CERT1: variants seen among roughly 807,000 people sequenced by gnomAD.
CERT1 encodes the protein ceramide transporter 1, also known as ceramide transfer protein.
In CERT1, 31 loss-of-function variants were observed where a neutral mutation model predicts 87.9. The ratio of observed to expected loss-of-function variants is 0.35; its 90% CI spans 0.27 to 0.48. The LOEUF (loss-of-function observed/expected upper bound fraction) is 0.48. CERT1 is among the 20% of genes least tolerant of loss of function. The pLI, the probability that CERT1 is intolerant of heterozygous loss-of-function variation, is 0.99. For synonymous variants in CERT1, 289 were observed against 250.9 expected, an observed-to-expected ratio of 1.15 and a Z score of -1.44; for missense variants, 487 against 758.0, an observed-to-expected ratio of 0.64 and a Z score of 4.20.
At chr5:75,445,693 G>A (rs577279902) in intron 3 of CERT1, among the ~76,000 whole-genome samples, 25 of 152,088 alleles carry the variant, frequency 1.6e-4, no homozygotes, top group East Asian at 7.7e-4. Flanking sequence ...GAGGTCTTGC[G>A]ATGTTGCTAA....
chr5:75,398,624 C>G (rs933228696), intron 11 of CERT1, among the ~76,000 whole-genome samples: 3 of 152,064 alleles, frequency 2.0e-5, no homozygotes, highest in African/African-American at 7.2e-5. Context: ...AAAGAACTAA[C>G]GCTGACACTA....
At chr5:75,467,616 G>A (rs1030815411) in intron 2 of CERT1, among the ~76,000 whole-genome samples, 1 of 148,996 alleles carries the variant, frequency 6.7e-6, no homozygotes. Context: ...ACTCCAGCCT[G>A]GGCAACAGAG....
Position 75,511,326 on chromosome 5 carries a change from G to T in CERT1, c.-119C>A. ...CGAAGCGAAGAGTGCCCGCTCCGGT[G>T]TGGGGGGGAGCAGGAGGAGGGACGA... On this transcript the variant is annotated 5_prime_UTR_variant, in exon 1 of 17. Coordinates refer to ENST00000643780, the MANE Select transcript of CERT1 (RefSeq NM_001379029.1). The T allele has an allele frequency of 1.3e-6, 2 of 1,547,626 alleles. No individual in the cohort carries two copies. Among genetic ancestry groups the T allele is most frequent in the Non-Finnish European group, 1.7e-6 (2 of 1,146,378 alleles).
intron 2 of CERT1, among the ~76,000 whole-genome samples, chr5:75,480,014 T>TAC (rs922423774): frequency 3.9e-5 from 6 of 152,148 alleles, no homozygotes; most frequent in Non-Finnish European, 8.8e-5. Flanking sequence ...TCTTATTGTT[T>TAC]ACACAGTCTT....
intron 12 of CERT1, among the ~76,000 whole-genome samples, chr5:75,388,634 A>C (rs1016606290): frequency 7.5e-5 from 8 of 107,166 alleles, no homozygotes; most frequent in African/African-American, 2.8e-4. Context: ...ATATATATAT[A>C]TATATATCTC....
At chr5:75,432,349 C>T (rs372534652) in intron 3 of CERT1, among the ~76,000 whole-genome samples, 4 of 152,170 alleles carry the variant, frequency 2.6e-5, no homozygotes, top group Non-Finnish European at 5.9e-5. Flanking sequence ...CCACCACGCC[C>T]GGCCAAGCAT....
intron 11 of CERT1, among the ~76,000 whole-genome samples, chr5:75,394,970 A>G (rs1561230797): frequency 6.6e-6 from 1 of 152,220 alleles, no homozygotes; most frequent in Non-Finnish European, 1.5e-5. Context: ...ATTTTATTCT[A>G]CTTTCAAGTT....
At chr5:75,382,887 A>G (rs1761644813) in intron 14 of CERT1, among the ~76,000 whole-genome samples, 1 of 152,094 alleles carries the variant, frequency 6.6e-6, no homozygotes, top group Non-Finnish European at 1.5e-5. Flanking sequence ...TAAGTAATAC[A>G]TGAAGATTTG....
intron 2 of CERT1, among the ~76,000 whole-genome samples, chr5:75,483,553 CA>C (rs1766356632): frequency 6.6e-6 from 1 of 151,790 alleles, no homozygotes; most frequent in East Asian, 1.9e-4. Context: ...AGATTTAATC[CA>C]AATAAGTCTA....
chr5:75,399,457 T>C, intron 10 of CERT1, 70 bp from the exon 11 acceptor site: 1 of 1,097,462 alleles, frequency 9.1e-7, no homozygotes, highest in Non-Finnish European at 1.4e-6. Context: ...CAGTACCAAC[T>C]TCCAAACACA....
Position 75,411,015 on chromosome 5 carries a change from TA to T in CERT1, c.925del (p.Tyr309MetfsTer8). 6.5e-7 allele frequency: 1 copy of T among 1,528,180 alleles called. No individual in the cohort carries two copies. Among genetic ancestry groups the T allele is most frequent in the Non-Finnish European group, 9.0e-7 (1 of 1,112,374 alleles). 94.7% of individuals were successfully genotyped at this position (1,528,180 alleles called of 1,614,324 possible). On this transcript the variant is annotated frameshift_variant, in exon 8 of 17. Coordinates refer to ENST00000643780, the MANE Select transcript of CERT1 (RefSeq NM_001379029.1). LOFTEE classifies it high-confidence loss of function. ...GATCAAAATATAAATTCATACTTCA[TA>T]ATCTGGTCCTCCAAAGTGGGATTTT... is the stretch of plus-strand genomic sequence containing the variant. ...KKKSHFGGPD[Y>X]EEGPNSLINE...
chr5:75,384,776 T>C (rs1436968523), intron 13 of CERT1, 64 bp from the exon 14 acceptor site: 1 of 1,088,340 alleles, frequency 9.2e-7, no homozygotes, highest in Non-Finnish European at 1.4e-6. Context: ...AATTCACTTA[T>C]GTTGAAAGTC....
chr5:75,408,237 G>A lies in CERT1; in HGVS notation c.930+2774C>T, dbSNP rs146649315. Among the ~76,000 whole-genome samples the A allele has an allele frequency of 4.3e-3, 648 of 152,212 alleles. 4 individuals carry two copies. The highest frequency in any genetic ancestry group is 0.014 in the African/African-American group (601 of 41,536). ...GGTAATCACTCTAGCACTTTACTGA[G>A]GCTCCAAAGGAAGGTCTTCAGGACT... On this transcript the variant is annotated intron_variant, in intron 8 of 16. Transcript: ENST00000643780.
rs1767976339 is a variant in CERT1 at position 75,511,285 on chromosome 5, A to G, written c.-78T>C. The G allele has an allele frequency of 1.3e-5, 21 of 1,576,438 alleles. No individual in the cohort carries two copies. The highest frequency in any genetic ancestry group is 1.7e-5 in the Non-Finnish European group (20 of 1,161,266). On this transcript the variant is annotated 5_prime_UTR_variant, in exon 1 of 17. Coordinates refer to ENST00000643780, the MANE Select transcript of CERT1 (RefSeq NM_001379029.1). ...GAGGAGGCGCCCAGTCCTCGGGGTG[A>G]AGGGTCGGGGGATGGCGAAGCGAAG...
rs112857616 is a variant in CERT1 at position 75,406,914 on chromosome 5, A to G, written c.931-3856T>C. On this transcript the variant is annotated intron_variant, in intron 8 of 16. Transcript: ENST00000643780. ...ATTTCTGAGGCTACAGAAGTCAGAAACACTTAGAACTTTTTTATAATTAGA... is the reference window on the plus strand; with the variant it reads ...ATTTCTGAGGCTACAGAAGTCAGAAGCACTTAGAACTTTTTTATAATTAGA... Among the ~76,000 whole-genome samples, 1,462 of 152,306 alleles carry G rather than the reference A, an allele frequency of 9.6e-3. 12 individuals carry two copies. Among genetic ancestry groups the G allele is most frequent in the Middle Eastern group, 0.027 (8 of 294 alleles).
chr5:75,426,001 T>C (rs1763602071), intron 4 of CERT1, among the ~76,000 whole-genome samples: 1 of 152,172 alleles, frequency 6.6e-6, no homozygotes, highest in East Asian at 1.9e-4. Flanking sequence ...AAAAACTGAG[T>C]AGTATAAATA....
At chr5:75,400,091 C>T (rs1762409039) in intron 10 of CERT1, 114 bp downstream of exon 10, 1 of 742,522 alleles carries the variant, frequency 1.3e-6, no homozygotes, top group African/African-American at 1.8e-5. Context: ...GAGATCGCGC[C>T]ACTGCACTCC....
chr5:75,399,402 C>A lies in CERT1; in HGVS notation c.1111-15G>T. 2 of 1,603,146 alleles carry A rather than the reference C, an allele frequency of 1.2e-6. No individual in the cohort carries two copies. Among genetic ancestry groups the A allele is most frequent in the African/African-American group, 2.7e-5 (2 of 74,658 alleles). On this transcript the variant is annotated splice_polypyrimidine_tract_variant and intron_variant, in intron 10 of 16. Coordinates refer to ENST00000643780, the MANE Select transcript of CERT1 (RefSeq NM_001379029.1). ...CGACTATAGGGCTACCAGAGACAGA[C>A]AAAGAAAAAACCAAGTAATCAGAAC...
At position 75,426,487 on chromosome 5, in the gene CERT1, A is replaced by C; in HGVS notation, c.349-9T>G. 1 of 1,584,466 alleles carries C rather than the reference A, an allele frequency of 6.3e-7. No homozygotes were observed. ...CCATATCCAGATTCAGTCTAAAAAA[A>C]AAAGTAAACTATGTGAAAAGAATTT... On this transcript the variant is annotated splice_polypyrimidine_tract_variant and intron_variant, in intron 3 of 16. Transcript: ENST00000643780.
Sources: gnomAD v4.1 joint callset for allele counts (sites outside exome capture counted in the v4.1 genomes callset) on GRCh38, gnomAD v4.1.1 for gene constraint, MANE v1.5 for transcripts, NCBI Gene and HGNC (gene_info 2026-07-23, HGNC 2026-07-21) for gene names.